The following CLTCL1 variants were observed in gnomAD, a reference collection of about 807,000 sequenced individuals.
CLTCL1 encodes clathrin heavy chain like 1.
CLTCL1 carries 159 observed loss-of-function variants against 190.0 expected under a neutral mutation model. That is an observed-to-expected ratio of 0.84 (90% CI 0.74 to 0.95). The LOEUF (loss-of-function observed/expected upper bound fraction) is 0.95, where lower values mean the gene tolerates loss of function less well. Ranked by LOEUF, CLTCL1 falls within the 40% of genes least tolerant of loss-of-function variation. CLTCL1 has a pLI of 0.00. For missense variants in CLTCL1, 1,878 were observed against 2,033.4 expected (o/e 0.92, Z 1.47); for synonymous variants, 752 against 769.6 (o/e 0.98, Z 0.38).
At position 19,208,910 on chromosome 22, in the gene CLTCL1, G is replaced by C. The variant is rs1056895494; in HGVS notation, c.3442+12C>G. ...TGAGATGCAGAGCCCTAGGGAGAGG[G>C]GACTCACTTACTGCTCCTGCTGGCT... On this transcript the variant is annotated intron_variant, in intron 21 of 32. Coordinates refer to ENST00000427926, the MANE Select transcript of CLTCL1 (RefSeq NM_007098.4). 8 of 1,593,034 alleles carry C rather than the reference G, an allele frequency of 5.0e-6. No homozygotes were observed. Among genetic ancestry groups the C allele is most frequent in the African/African-American group, 1.3e-5 (1 of 74,552 alleles).
chr22:19,239,270 C>T lies in CLTCL1; in HGVS notation c.795+5G>A, dbSNP rs782328622. On this transcript the variant is annotated splice_donor_5th_base_variant and intron_variant, in intron 5 of 32. Transcript: ENST00000427926. Reference sequence around the variant, plus strand: ...GAAGATGTTTAGAGAGCAGCACATTCGTACCTGCATAGCCACTGGAAAATC... The same window carrying T: ...GAAGATGTTTAGAGAGCAGCACATTTGTACCTGCATAGCCACTGGAAAATC... 18 of 1,593,040 alleles carry T rather than the reference C, an allele frequency of 1.1e-5. No individual in the cohort carries two copies. The highest frequency in any genetic ancestry group is 1.5e-5 in the Non-Finnish European group (17 of 1,160,916).
intron 22 of CLTCL1, among the ~76,000 whole-genome samples, chr22:19,206,040 C>T (rs900536594): frequency 1.2e-4 from 18 of 152,090 alleles, no homozygotes; most frequent in African/African-American, 2.9e-4. Flanking sequence ...GAGTCTCCCA[C>T]CTCAGCCTCC....
chr22:19,196,441 T>C lies in CLTCL1; in HGVS notation c.4042-26A>G, dbSNP rs1555935715. On this transcript the variant is annotated intron_variant, in intron 25 of 32. Transcript: ENST00000427926. Reference sequence around the variant, plus strand: ...CTGGACAAGGAGGTCAGGGTCGGCTTGTGCTGCACGTGGCCACGGCTGCCA... The same window carrying C: ...CTGGACAAGGAGGTCAGGGTCGGCTCGTGCTGCACGTGGCCACGGCTGCCA... 2.5e-6 allele frequency: 4 copies of C among 1,613,854 alleles called. No individual in the cohort carries two copies. In the Admixed American group the frequency reaches 6.7e-5, roughly 27 times the overall value.
chr22:19,250,674 C>T (rs2086567167), intron 3 of CLTCL1, among the ~76,000 whole-genome samples: 1 of 152,118 alleles, frequency 6.6e-6, no homozygotes, highest in African/African-American at 2.4e-5. Flanking sequence ...CCACCTCAGC[C>T]TCCAGAGTAG....
chr22:19,281,475 CTT>C (rs1368225863), intron 1 of CLTCL1, among the ~76,000 whole-genome samples: 1 of 152,174 alleles, frequency 6.6e-6, no homozygotes, highest in Admixed American at 6.5e-5. Flanking sequence ...AGAGTTCTCT[CTT>C]GGTGACACAT....
intron 6 of CLTCL1, among the ~76,000 whole-genome samples, chr22:19,235,198 C>T (rs5746692): frequency 0.043 from 6,484 of 151,384 alleles, 237 homozygotes; most frequent in East Asian, 0.14. Flanking sequence ...GAGACAGGCT[C>T]TCACTGTTTC....
chr22:19,281,581 G>A (rs2087716930), intron 1 of CLTCL1, among the ~76,000 whole-genome samples: 1 of 152,168 alleles, frequency 6.6e-6, no homozygotes, highest in Admixed American at 6.5e-5. Flanking sequence ...AGCTGGCCAC[G>A]TATTGGTAAG....
chr22:19,203,448 T>C (rs1225549784), intron 22 of CLTCL1, among the ~76,000 whole-genome samples: 1 of 152,208 alleles, frequency 6.6e-6, no homozygotes, highest in African/African-American at 2.4e-5. Context: ...AGTTGTCCCC[T>C]GTCTTCCTAT....
Position 19,239,418 on chromosome 22 carries a change from G to A in CLTCL1, c.682-30C>T, listed in dbSNP as rs782381995. The stretch of plus-strand genomic sequence containing the variant: ...AAGAGAGATTTTAGGTCAATCAAGG[G>A]GACCGCCTGTGGTGGTGGGCAAGTG... On this transcript the variant is annotated intron_variant, in intron 4 of 32. Transcript: ENST00000427926. 4 of 1,559,018 alleles carry A rather than the reference G, an allele frequency of 2.6e-6. No individual in the cohort carries two copies. In the Admixed American group the frequency reaches 6.7e-5, roughly 26 times the overall value.
intron 22 of CLTCL1, among the ~76,000 whole-genome samples, chr22:19,204,213 G>C (rs1345111893): frequency 6.6e-6 from 1 of 152,026 alleles, no homozygotes; most frequent in African/African-American, 2.4e-5. Flanking sequence ...CCAGAGTCCT[G>C]ATGACGACCC....
chr22:19,231,439 G>A (rs2145856640), intron 10 of CLTCL1, among the ~76,000 whole-genome samples: 1 of 152,252 alleles, frequency 6.6e-6, no homozygotes, highest in South Asian at 2.1e-4. Flanking sequence ...TGTTGCCCAG[G>A]CTCCCTTTCA....
At position 19,267,809 on chromosome 22, in the gene CLTCL1, C is replaced by T. The variant is rs1237228974; in HGVS notation, c.250+7814G>A. On this transcript the variant is annotated intron_variant, in intron 2 of 32. Coordinates refer to ENST00000427926, the MANE Select transcript of CLTCL1 (RefSeq NM_007098.4). ...ACTTGGAAGGCTGAGGCAGGAGAAT[C>T]GCTTGAACCCAGGAGGCAGAGGTTG... Among the ~76,000 whole-genome samples the T allele has an allele frequency of 4.0e-5, 6 of 151,766 alleles. No individual in the cohort carries two copies. The East Asian group carries it at 5.8e-4, about 15-fold the overall frequency.
chr22:19,194,496 T>A (rs1244922890), intron 26 of CLTCL1, among the ~76,000 whole-genome samples: 1 of 151,688 alleles, frequency 6.6e-6, no homozygotes, highest in Non-Finnish European at 1.5e-5. Context: ...AAAATAATAA[T>A]AAAACAAAAA....
At position 19,187,570 on chromosome 22, in the gene CLTCL1, ATCCTTCT is replaced by A. The variant is rs1569145161; in HGVS notation, c.4586_4592del (p.Lys1529IlefsTer72). On this transcript the variant is annotated frameshift_variant, in exon 29 of 33. Transcript: ENST00000427926. LOFTEE classifies it high-confidence loss of function. ...CCAGGCCACCAACCTTGTAGAGATG[ATCCTTCT>A]TGCAGAGCTCCACGCTCTGGGCCCA... is the stretch of plus-strand genomic sequence containing the variant. 6.2e-7 allele frequency: 1 copy of A among 1,611,474 alleles called. No homozygotes were observed.
intron 1 of CLTCL1, among the ~76,000 whole-genome samples, chr22:19,285,993 C>G (rs2087893794): frequency 6.6e-6 from 1 of 152,098 alleles, no homozygotes; most frequent in Non-Finnish European, 1.5e-5. Flanking sequence ...ATAGTGGTTT[C>G]CCCTGGGGAG....
At chr22:19,187,179 C>A (rs1555928726) in intron 29 of CLTCL1, among the ~76,000 whole-genome samples, 1 of 152,114 alleles carries the variant, frequency 6.6e-6, no homozygotes, top group Non-Finnish European at 1.5e-5. Context: ...CCACCTCAAC[C>A]TCCCAAAGTG....
rs1259249574 is a variant in CLTCL1, at chr22:19,196,289, G to A, written c.4168C>T (p.Gln1390Ter). ...SHPTEAWKEG[Q>*]FKDIITKVAN... Reference sequence around the variant, plus strand: ...ACCTTGGTAATGATGTCCTTGAACTGACCCTCCTTCCAGGCCTCAGTGGGG... The same window carrying A: ...ACCTTGGTAATGATGTCCTTGAACTAACCCTCCTTCCAGGCCTCAGTGGGG... The change falls in exon 26 of 33, where the codon CAG becomes TAG. Residue 1390 changes from glutamine to a stop codon, truncating the protein, a stop_gained. Coordinates refer to ENST00000427926, the MANE Select transcript of CLTCL1 (RefSeq NM_007098.4). LOFTEE classifies it high-confidence loss of function. The A allele has an allele frequency of 8.1e-6, 13 of 1,613,532 alleles. No homozygotes were observed. The highest frequency in any genetic ancestry group is 8.5e-6 in the Non-Finnish European group (10 of 1,179,872).
At chr22:19,234,294 G>T (rs1466325337) in intron 7 of CLTCL1, among the ~76,000 whole-genome samples, 1 of 152,200 alleles carries the variant, frequency 6.6e-6, no homozygotes, top group Admixed American at 6.5e-5. Flanking sequence ...TGCACACAAA[G>T]TGGGAGGCGT....
At chr22:19,207,532 T>C (rs898376210) in intron 22 of CLTCL1, 2 of 401,812 alleles carry the variant, frequency 5.0e-6, no homozygotes, top group Non-Finnish European at 8.8e-6. Flanking sequence ...TCGTGTGGCT[T>C]GCTTCTCATG....
Sources: allele counts gnomAD v4.1 joint callset (sites outside exome capture counted in the v4.1 genomes callset), GRCh38; gene constraint gnomAD v4.1.1; transcripts MANE v1.5; gene names NCBI Gene and HGNC (gene_info 2026-07-23, HGNC 2026-07-21).